The following RIT2 variants were observed in gnomAD, a reference collection of about 807,000 sequenced individuals.
The protein encoded by RIT2 is Ras like without CAAX 2.
Under a neutral mutation model 23.7 loss-of-function variants are expected in RIT2, and 24 were observed. The ratio of observed to expected loss-of-function variants is 1.01; its 90% CI spans 0.73 to 1.43. The LOEUF is 1.43. Ranked by LOEUF, RIT2 falls within the 40% of genes most tolerant of loss-of-function variation. The probability of loss-of-function intolerance (pLI) is 0.00; values close to 1 mark genes in which losing one functional copy is unlikely to be tolerated. For synonymous variants in RIT2, 107 were observed against 91.1 expected (o/e 1.17, Z -0.99); for missense variants, 236 against 266.9 (o/e 0.88, Z 0.81).
At chr18:42,959,326 C>T (rs1910045551) in intron 3 of RIT2, among the ~76,000 whole-genome samples, 1 of 152,030 alleles carries the variant, frequency 6.6e-6, no homozygotes, top group South Asian at 2.1e-4. Context: ...AACAAAAATG[C>T]TTTTTTATAA....
intron 4 of RIT2, among the ~76,000 whole-genome samples, chr18:42,801,166 A>G (rs1422892520): frequency 6.6e-6 from 1 of 152,202 alleles, no homozygotes; most frequent in African/African-American, 2.4e-5. Context: ...AAAAAGAAAC[A>G]GTTGTTATAT....
chr18:42,857,174 G>C (rs539600686), intron 4 of RIT2, among the ~76,000 whole-genome samples: 1 of 152,160 alleles, frequency 6.6e-6, no homozygotes, highest in Non-Finnish European at 1.5e-5. Flanking sequence ...ATCTAGTCAG[G>C]AGAGGCCAGG....
At position 43,065,871 on chromosome 18, in the gene RIT2, GC is replaced by G. The variant is rs1912760197; in HGVS notation, c.104-32005del. Among the ~76,000 whole-genome samples, 6 of 152,194 alleles carry G rather than the reference GC, an allele frequency of 3.9e-5. No homozygotes were observed. The South Asian group carries it at 1.2e-3, about 32-fold the overall frequency. ...GAAAACTTCAGATATATAAATAATGGCTTAATCCAAAGCATGTAGTTGGGGT... is the reference window on the plus strand; with the variant it reads ...GAAAACTTCAGATATATAAATAATGGTTAATCCAAAGCATGTAGTTGGGGT... On this transcript the variant is annotated intron_variant, in intron 1 of 4. Coordinates refer to ENST00000326695, the MANE Select transcript of RIT2 (RefSeq NM_002930.4).
intron 4 of RIT2, among the ~76,000 whole-genome samples, chr18:42,885,674 G>T (rs577130025): frequency 6.6e-6 from 1 of 152,246 alleles, no homozygotes; most frequent in African/African-American, 2.4e-5. Flanking sequence ...TAGAGGAGAG[G>T]GTTGGTGGAA....
chr18:42,979,969 C>T (rs1322259653), intron 2 of RIT2, among the ~76,000 whole-genome samples: 1 of 152,104 alleles, frequency 6.6e-6, no homozygotes. Flanking sequence ...AAGGTCAGTT[C>T]TTCAAGTGAT....
chr18:42,973,797 T>G (rs1447427772), intron 3 of RIT2, among the ~76,000 whole-genome samples: 1 of 151,904 alleles, frequency 6.6e-6, no homozygotes, highest in African/African-American at 2.4e-5. Context: ...CAGAGTTTTG[T>G]GCAAACCTGA....
intron 4 of RIT2, among the ~76,000 whole-genome samples, chr18:42,808,790 G>C (rs1259196326): frequency 6.6e-6 from 1 of 151,916 alleles, no homozygotes; most frequent in Non-Finnish European, 1.5e-5. Context: ...CAAAGACTGG[G>C]CTCAATAAAA....
At chr18:42,839,286 CA>C (rs2144021413) in intron 4 of RIT2, among the ~76,000 whole-genome samples, 1 of 151,654 alleles carries the variant, frequency 6.6e-6, no homozygotes, top group South Asian at 2.1e-4. Context: ...GAAGCAGAAT[CA>C]ATAAACATTA....
intron 4 of RIT2, among the ~76,000 whole-genome samples, chr18:42,777,125 A>T (rs1913690276): frequency 6.6e-6 from 1 of 152,118 alleles, no homozygotes; most frequent in Non-Finnish European, 1.5e-5. Context: ...ATTTGGGTGA[A>T]TAATGTGCTA....
At chr18:43,015,328 G>T (rs369341261) in intron 2 of RIT2, among the ~76,000 whole-genome samples, 17 of 151,638 alleles carry the variant, frequency 1.1e-4, no homozygotes, top group African/African-American at 3.9e-4. Flanking sequence ...TAGATGGATA[G>T]CAATGTCATT....
intron 1 of RIT2, among the ~76,000 whole-genome samples, chr18:43,068,514 A>G (rs1279610122): frequency 6.6e-6 from 1 of 152,118 alleles, no homozygotes; most frequent in African/African-American, 2.4e-5. Context: ...TGACATAGAA[A>G]TCAGAGAGAT....
At chr18:42,814,197 A>T (rs1414758220) in intron 4 of RIT2, among the ~76,000 whole-genome samples, 1 of 152,162 alleles carries the variant, frequency 6.6e-6, no homozygotes, top group Non-Finnish European at 1.5e-5. Flanking sequence ...TAATACTTGG[A>T]ACTGATCGAG....
intron 4 of RIT2, among the ~76,000 whole-genome samples, chr18:42,774,421 C>T (rs1305951024): frequency 2.6e-5 from 4 of 152,088 alleles, no homozygotes; most frequent in Admixed American, 1.3e-4. Flanking sequence ...ATAGCATACT[C>T]TCTCACTGCT....
At chr18:42,853,634 T>A (rs1008663079) in intron 4 of RIT2, among the ~76,000 whole-genome samples, 2 of 152,248 alleles carry the variant, frequency 1.3e-5, no homozygotes, top group Admixed American at 1.3e-4. Flanking sequence ...ATTATTATAA[T>A]TTTTATTTGG....
intron 2 of RIT2, among the ~76,000 whole-genome samples, chr18:43,033,399 TA>T (rs1396683289): frequency 2.0e-5 from 3 of 152,134 alleles, no homozygotes; most frequent in Admixed American, 6.6e-5. Flanking sequence ...AATGCACCAT[TA>T]ACATGGCTAA....
rs1442368654 is a variant in RIT2 at position 43,087,808 on chromosome 18, G to C, written c.103+27609C>G. 3.9e-5 allele frequency among the ~76,000 whole-genome samples: 6 copies of C among 152,074 alleles called. No individual in the cohort carries two copies. In the South Asian group the frequency reaches 1.2e-3, roughly 32 times the overall value. The stretch of plus-strand genomic sequence containing the variant: ...TTGCTGAAGTTGCTCGGTGGTCCTT[G>C]GTGTGGTTGTCTAGAGGCCAACTCA... On this transcript the variant is annotated intron_variant, in intron 1 of 4. Transcript: ENST00000326695.
chr18:43,086,020 T>C (rs1461110003), intron 1 of RIT2, among the ~76,000 whole-genome samples: 1 of 152,206 alleles, frequency 6.6e-6, no homozygotes, highest in Non-Finnish European at 1.5e-5. Context: ...TTTTCCTTTA[T>C]AAATTACCCA....
chr18:42,845,639 A>G (rs1312170391), intron 4 of RIT2, among the ~76,000 whole-genome samples: 3 of 149,646 alleles, frequency 2.0e-5, no homozygotes, highest in Non-Finnish European at 4.5e-5. Flanking sequence ...AAATAATTTA[A>G]ATTATAATAG....
At chr18:43,052,873 G>A (rs1439934199) in intron 1 of RIT2, among the ~76,000 whole-genome samples, 1 of 151,970 alleles carries the variant, frequency 6.6e-6, no homozygotes, top group African/African-American at 2.4e-5. Context: ...GAGTGAGCAG[G>A]AGATAACAGT....
Sources: allele counts gnomAD v4.1 joint callset (sites outside exome capture counted in the v4.1 genomes callset), GRCh38; gene constraint gnomAD v4.1.1; transcripts MANE v1.5; gene names NCBI Gene and HGNC (gene_info 2026-07-23, HGNC 2026-07-21).